IQCH: variants seen among roughly 807,000 people sequenced by gnomAD.
IQCH encodes IQ motif containing H.
Under a neutral mutation model 117.0 loss-of-function variants are expected in IQCH, and 98 were observed. The ratio of observed to expected loss-of-function variants is 0.84; its 90% CI spans 0.71 to 0.99. The LOEUF is 0.99. IQCH is among the 50% of genes least tolerant of loss of function. IQCH has a pLI of 0.00. For synonymous variants in IQCH, 412 were observed against 448.2 expected, an observed-to-expected ratio of 0.92 and a Z score of 1.02; for missense variants, 1,102 against 1,243.8, an observed-to-expected ratio of 0.89 and a Z score of 1.72.
chr15:67,257,552 C>T (rs1421473927), intron 1 of IQCH, among the ~76,000 whole-genome samples: 1 of 152,132 alleles, frequency 6.6e-6, no homozygotes, highest in Non-Finnish European at 1.5e-5. Flanking sequence ...GTAATACATC[C>T]AGTATGTATT....
At chr15:67,421,103 A>G (rs2081726875) in intron 15 of IQCH, 188 bp from the exon 16 acceptor site, 2 of 600,488 alleles carry the variant, frequency 3.3e-6, no homozygotes, top group Middle Eastern at 4.5e-4. Context: ...TAGATACAGT[A>G]TCTCCAAGAT....
In IQCH at chr15:67,376,245, AAAG is replaced by A. The variant is rs1970734578; in HGVS notation, c.1372+2817_1372+2819del. 6.6e-6 allele frequency among the ~76,000 whole-genome samples: 1 copy of A among 152,318 alleles called. No homozygotes were observed. The highest frequency in any genetic ancestry group is 1.9e-4 in the East Asian group (1 of 5,188). On this transcript the variant is annotated intron_variant, in intron 10 of 20. Transcript: ENST00000335894. The surrounding 1 kb of genome is among the most constrained non-coding windows in gnomAD (Gnocchi z 5.0). ...GTGTACCACATCCCTGGGAGTCCTT[AAAG>A]AAGATTTCAGCTAGATGCCACAAAC... is the stretch of plus-strand genomic sequence containing the variant.
At chr15:67,286,025 G>A (rs1246816606) in intron 4 of IQCH, among the ~76,000 whole-genome samples, 4 of 152,060 alleles carry the variant, frequency 2.6e-5, no homozygotes, top group East Asian at 1.9e-4. Context: ...ATTGCTTTGG[G>A]TACTATGGAT....
At chr15:67,439,976 A>G (rs2082228976) in intron 16 of IQCH, among the ~76,000 whole-genome samples, 1 of 152,144 alleles carries the variant, frequency 6.6e-6, no homozygotes, top group South Asian at 2.1e-4. Context: ...CATTAGCAAG[A>G]TTAACCAAGA....
chr15:67,284,414 A>G (rs1296956347), intron 4 of IQCH, among the ~76,000 whole-genome samples: 2 of 152,122 alleles, frequency 1.3e-5, no homozygotes, highest in Non-Finnish European at 2.9e-5. Context: ...CACTGTGTAT[A>G]TGTACCACTT....
intron 4 of IQCH, among the ~76,000 whole-genome samples, chr15:67,334,999 T>A (rs1968828991): frequency 6.6e-6 from 1 of 152,162 alleles, no homozygotes; most frequent in Non-Finnish European, 1.5e-5. Context: ...CCAGTGACAC[T>A]ATCTGAGGGA....
In IQCH at chr15:67,475,843, GGGC is replaced by G; in HGVS notation, c.2799+29_2799+31del. The G allele has an allele frequency of 6.2e-7, 1 of 1,609,798 alleles. No homozygotes were observed. The highest frequency in any genetic ancestry group is 8.5e-7 in the Non-Finnish European group (1 of 1,176,934). On this transcript the variant is annotated intron_variant, in intron 18 of 20. Coordinates refer to ENST00000335894, the MANE Select transcript of IQCH (RefSeq NM_001031715.3). The surrounding 1 kb of genome is among the most constrained non-coding windows in gnomAD (Gnocchi z 5.7). ...GGTATGAAGGGTTACAGTTGGCCAGGGGCGGCCAAAGACATGCCTGTGGGTGAT... is the reference window on the plus strand; with the variant it reads ...GGTATGAAGGGTTACAGTTGGCCAGGGGCCAAAGACATGCCTGTGGGTGAT...
intron 12 of IQCH, among the ~76,000 whole-genome samples, chr15:67,394,936 C>T (rs1971411436): frequency 6.6e-6 from 1 of 152,068 alleles, no homozygotes; most frequent in African/African-American, 2.4e-5. Flanking sequence ...ATTGATTTTC[C>T]AGACACTTTA....
At chr15:67,379,108 G>T (rs966768482) in intron 10 of IQCH, among the ~76,000 whole-genome samples, 10 of 152,174 alleles carry the variant, frequency 6.6e-5, no homozygotes, top group Non-Finnish European at 1.5e-4. Context: ...GGGTAGGATT[G>T]TCTGACAGGT....
At chr15:67,398,009 T>C (rs1388927040) in intron 13 of IQCH, among the ~76,000 whole-genome samples, 3 of 152,180 alleles carry the variant, frequency 2.0e-5, no homozygotes, top group Non-Finnish European at 4.4e-5. Flanking sequence ...AGATAGCACA[T>C]AATTCTTTCC....
intron 4 of IQCH, among the ~76,000 whole-genome samples, chr15:67,285,685 C>G (rs1406540166): frequency 1.3e-5 from 2 of 152,074 alleles, no homozygotes; most frequent in East Asian, 3.8e-4. Context: ...ACCAGTTATC[C>G]CAGCATCATT....
chr15:67,332,108 A>G (rs1968691747), intron 4 of IQCH, among the ~76,000 whole-genome samples: 2 of 152,192 alleles, frequency 1.3e-5, no homozygotes. Flanking sequence ...GAGAACCCAG[A>G]AAATGAAAGA....
At position 67,447,612 on chromosome 15, in the gene IQCH, C is replaced by T. The variant is rs4776360; in HGVS notation, c.2506-17515C>T. 1 allele frequency among the ~76,000 whole-genome samples: 152,221 copies of T among 152,254 alleles called. 76,094 individuals are homozygous for T. Among genetic ancestry groups the T allele is most frequent in the Middle Eastern group, 1 (294 of 294 alleles). Reference sequence around the variant, plus strand: ...AGAGCTTGCAGGGAGCCCCACACCACAGAAGGAGGCTAGAGTGCTTGGAGT... The same window carrying T: ...AGAGCTTGCAGGGAGCCCCACACCATAGAAGGAGGCTAGAGTGCTTGGAGT... On this transcript the variant is annotated intron_variant, in intron 16 of 20. Coordinates refer to ENST00000335894, the MANE Select transcript of IQCH (RefSeq NM_001031715.3). This position sits in a 1 kb window ranked among gnomAD's most constrained non-coding sequence, Gnocchi z 5.3.
intron 6 of IQCH, among the ~76,000 whole-genome samples, chr15:67,355,345 G>A (rs187843872): frequency 1.3e-5 from 2 of 152,240 alleles, no homozygotes; most frequent in Admixed American, 6.5e-5. Context: ...CCAGCACTTT[G>A]GGAGGCTGAG....
Position 67,472,302 on chromosome 15 carries a change from G to A in IQCH, c.2677-3394G>A, listed in dbSNP as rs1386065739. 6.6e-6 allele frequency among the ~76,000 whole-genome samples: 1 copy of A among 152,232 alleles called. No homozygotes were observed. The highest frequency in any genetic ancestry group is 1.5e-5 in the Non-Finnish European group (1 of 68,050). On this transcript the variant is annotated intron_variant, in intron 17 of 20. Coordinates refer to ENST00000335894, the MANE Select transcript of IQCH (RefSeq NM_001031715.3). This position sits in a 1 kb window ranked among gnomAD's most constrained non-coding sequence, Gnocchi z 4.3. ...CTGGAGCACAGAACTGGGGAAGTGG[G>A]AAGCAGGAGAAGTAGTTGGAAGGGT... is the stretch of plus-strand genomic sequence containing the variant.
At chr15:67,357,251 C>T in intron 6 of IQCH, 94 bp from the exon 7 acceptor site, 2 of 799,938 alleles carry the variant, frequency 2.5e-6, no homozygotes, top group South Asian at 2.8e-5. Context: ...GGTGACAGAG[C>T]CATTTGACTT....
chr15:67,352,253 A>G (rs1969694048), intron 6 of IQCH, among the ~76,000 whole-genome samples: 2 of 151,950 alleles, frequency 1.3e-5, no homozygotes, highest in South Asian at 4.1e-4. Context: ...GAACATTTTA[A>G]CTCCATCTCC....
intron 20 of IQCH, among the ~76,000 whole-genome samples, chr15:67,495,816 ATGTT>A (rs1342527599): frequency 2.0e-5 from 3 of 152,168 alleles, no homozygotes; most frequent in Non-Finnish European, 2.9e-5. Context: ...TCTGATATGA[ATGTT>A]TGTTTTCTTG....
rs368949063 is a variant in IQCH at position 67,363,235 on chromosome 15, AT to A, written c.753+3369del. 7.6e-3 allele frequency among the ~76,000 whole-genome samples: 1,013 copies of A among 133,532 alleles called. 5 individuals carry two copies. Among genetic ancestry groups the A allele is most frequent in the African/African-American group, 0.022 (803 of 35,842 alleles). 87.6% of individuals were successfully genotyped at this position (133,532 alleles called of 152,430 possible). ...TCTTTTTTAAAAAACACAAATCTTG[AT>A]TTTTTTTTTTTTTTTTTTAGATGGA... On this transcript the variant is annotated intron_variant, in intron 8 of 20. Coordinates refer to ENST00000335894, the MANE Select transcript of IQCH (RefSeq NM_001031715.3).
Sources: gnomAD v4.1 joint callset for allele counts (sites outside exome capture counted in the v4.1 genomes callset) on GRCh38, gnomAD v4.1.1 for gene constraint, Gnocchi (gnomAD v3.1) non-coding constraint, MANE v1.5 for transcripts, NCBI Gene and HGNC (gene_info 2026-07-23, HGNC 2026-07-21) for gene names.